The following SERPINB3 variants were observed in gnomAD, a reference collection of about 807,000 sequenced individuals.
The protein encoded by SERPINB3 is serpin B3.
SERPINB3 carries 33 observed loss-of-function variants against 33.0 expected under a neutral mutation model. The ratio of observed to expected loss-of-function variants is 1.00; its 90% CI spans 0.76 to 1.34. The LOEUF (loss-of-function observed/expected upper bound fraction) is 1.34. Ranked by LOEUF, SERPINB3 falls within the 40% of genes most tolerant of loss-of-function variation. SERPINB3 has a pLI of 0.00. For synonymous variants in SERPINB3, 200 were observed against 170.9 expected (o/e 1.17, Z -1.33); for missense variants, 518 against 461.5 (o/e 1.12, Z -1.12).
Position 63,656,885 on chromosome 18 carries a change from G to A in SERPINB3, c.714C>T (p.Gly238=). Residue 238 remains glycine (G), a synonymous_variant, in exon 7 of 8, where the codon GGC becomes GGT. Transcript: ENST00000283752. ...GCAACACAATCATGCTTAGATCTTT[G>A]CCTTTGTATGGTATTTCCAGGACCT... The part of the protein sequence containing the change: ...QAKVLEIPYK[G]KDLSMIVLLP... The A allele has an allele frequency of 6.2e-7, 1 of 1,613,456 alleles. No individual in the cohort carries two copies. Among genetic ancestry groups the A allele is most frequent in the African/African-American group, 1.3e-5 (1 of 75,038 alleles).
intron 5 of SERPINB3, among the ~76,000 whole-genome samples, chr18:63,657,876 C>T (rs1913540325): frequency 6.6e-6 from 1 of 151,288 alleles, no homozygotes; most frequent in Non-Finnish European, 1.5e-5. Flanking sequence ...AACGCATGTC[C>T]TGTGCTGTCA....
chr18:63,657,139 A>G (rs1913518986), intron 6 of SERPINB3, 131 bp downstream of exon 6: 2 of 912,654 alleles, frequency 2.2e-6, no homozygotes, highest in Non-Finnish European at 3.2e-6. Context: ...CTAACTAAAT[A>G]AAGTTATAAG....
intron 5 of SERPINB3, among the ~76,000 whole-genome samples, chr18:63,657,848 A>G (rs1038098492): frequency 6.7e-6 from 1 of 149,894 alleles, no homozygotes; most frequent in African/African-American, 2.5e-5. Context: ...GACAAGTGAC[A>G]TGAGCTCTGT....
At chr18:63,656,790 G>A in intron 7 of SERPINB3, 41 bp downstream of exon 7, 3 of 1,544,500 alleles carry the variant, frequency 1.9e-6, no homozygotes, top group Non-Finnish European at 2.6e-6. Context: ...TTGGAAAAAT[G>A]TCAGGCAGTA....
In SERPINB3 at chr18:63,661,123, T is replaced by A. The variant is rs777222567; in HGVS notation, c.94A>T (p.Ile32Phe). The A allele has an allele frequency of 2.5e-6, 4 of 1,613,644 alleles. No individual in the cohort carries two copies. The highest frequency in any genetic ancestry group is 3.4e-6 in the Non-Finnish European group (4 of 1,179,682). The change falls in exon 2 of 8, where the codon ATC becomes TTC. Residue 32 changes from isoleucine (I) to phenylalanine (F), a missense_variant. Ile to Phe is a conservative substitution (Grantham distance 21, BLOSUM62 0). Transcript: ENST00000283752. ...SKENNIFYSP[I>F]SITSALGMVL... Reference sequence around the variant, plus strand: ...ATCCCTAATGCTGATGTGATGCTGATAGGGGAATAGAAGATGTTGTTCTCT... The same window carrying A: ...ATCCCTAATGCTGATGTGATGCTGAAAGGGGAATAGAAGATGTTGTTCTCT...
chr18:63,659,253 G>A (rs2144495622), intron 4 of SERPINB3, 146 bp downstream of exon 4: 1 of 823,244 alleles, frequency 1.2e-6, no homozygotes, highest in Middle Eastern at 2.3e-4. Context: ...GTGGGGGAGA[G>A]TTGTGGAAAC....
At chr18:63,661,000 A>C in intron 2 of SERPINB3, 52 bp downstream of exon 2, 1 of 1,611,396 alleles carries the variant, frequency 6.2e-7, no homozygotes, top group Non-Finnish European at 8.5e-7. Flanking sequence ...GTGCTAGCCG[A>C]CGGAACCAGA....
chr18:63,655,625 A>G lies in SERPINB3; in HGVS notation c.*32T>C. ...TTTACCAGAACATCTGCAGGTGAAC[A>G]TTTTCCAAATGGAGTGACAGACTAA... On this transcript the variant is annotated 3_prime_UTR_variant, in exon 8 of 8. Coordinates refer to ENST00000283752, the MANE Select transcript of SERPINB3 (RefSeq NM_006919.3). 1 of 1,562,622 alleles carries G rather than the reference A, an allele frequency of 6.4e-7. No homozygotes were observed. Among genetic ancestry groups the G allele is most frequent in the Non-Finnish European group, 8.7e-7 (1 of 1,150,716 alleles).
chr18:63,660,851 A>G lies in SERPINB3; in HGVS notation c.171T>C (p.Leu57=), dbSNP rs1913623870. The change falls in exon 3 of 8, where the codon CTT becomes CTC. Residue 57 remains leucine, a synonymous_variant. Transcript: ENST00000283752. The part of the protein sequence containing the change: ...DNTAQQIKKV[L]HFDQVTENTT... ...TGTTCTCTGTGACTTGATCAAAGTG[A>G]AGAACCTGGAAGAGACATGAAGCGG... The G allele has an allele frequency of 1.9e-6, 3 of 1,613,338 alleles. No individual in the cohort carries two copies. Among genetic ancestry groups the G allele is most frequent in the Non-Finnish European group, 2.5e-6 (3 of 1,179,584 alleles).
At position 63,655,689 on chromosome 18, in the gene SERPINB3, T is replaced by G. The variant is rs755020901; in HGVS notation, c.1141A>C (p.Ile381Leu). Residue 381 changes from isoleucine to leucine, a missense_variant, in exon 8 of 8, where the codon ATC becomes CTC. By Grantham distance (5) the Ile-to-Leu change is conservative. Transcript: ENST00000283752. ...FFIRQNKTNSILFYGRFSSP is the reference protein window; with the variant it reads ...FFIRQNKTNSLLFYGRFSSP ...GATGAGAATCTGCCATAGAAGAGGATGCTGTTGGTCTTATTTTGCCTTATG... is the reference window on the plus strand; with the variant it reads ...GATGAGAATCTGCCATAGAAGAGGAGGCTGTTGGTCTTATTTTGCCTTATG... 5 of 1,613,290 alleles carry G rather than the reference T, an allele frequency of 3.1e-6. No individual in the cohort carries two copies. The highest frequency in any genetic ancestry group is 4.2e-6 in the Non-Finnish European group (5 of 1,179,516).
Position 63,656,828 on chromosome 18 carries a change from T to C in SERPINB3, c.768+3A>G, listed in dbSNP as rs770938183. The C allele has an allele frequency of 3.1e-6, 5 of 1,602,080 alleles. No individual in the cohort carries two copies. Among genetic ancestry groups the C allele is most frequent in the Non-Finnish European group, 4.3e-6 (5 of 1,172,296 alleles). On this transcript the variant is annotated splice_donor_region_variant and intron_variant, in intron 7 of 7. Coordinates refer to ENST00000283752, the MANE Select transcript of SERPINB3 (RefSeq NM_006919.3). ...AGGAAGAGTTGTAGATGCAAGTTCT[T>C]ACCTTCTGGAGACCATCGATTTCAT...
chr18:63,656,741 C>T, intron 7 of SERPINB3, 90 bp downstream of exon 7: 2 of 1,426,468 alleles, frequency 1.4e-6, no homozygotes, highest in South Asian at 1.6e-5. Flanking sequence ...TTTGAGGCAA[C>T]TCGGTCACCA....
At chr18:63,661,357 T>A (rs1235224534) in intron 1 of SERPINB3, 115 bp from the exon 2 acceptor site, 1 of 1,159,082 alleles carries the variant, frequency 8.6e-7, no homozygotes, top group Non-Finnish European at 1.2e-6. Context: ...ACATTTAAAG[T>A]TTTCCTCATC....
At position 63,657,459 on chromosome 18, in the gene SERPINB3, C is replaced by T. The variant is rs370033069; in HGVS notation, c.470-47G>A. 9.8e-5 allele frequency: 146 copies of T among 1,488,036 alleles called. No homozygotes were observed. In the African/African-American group the frequency reaches 2.0e-3, roughly 20 times the overall value. The allele number at this position is 1,488,036 out of a possible 1,614,324, so 92.2% of individuals were successfully genotyped here. A position where few individuals can be genotyped will look rare whatever the true frequency, so the allele number is the denominator to read the frequency against. ...AGTCTTTTACACAAGCTACAAATGG[C>T]TTGTCTGGAAGATGCTTTGCAAATG... On this transcript the variant is annotated intron_variant, in intron 5 of 7. Coordinates refer to ENST00000283752, the MANE Select transcript of SERPINB3 (RefSeq NM_006919.3).
At chr18:63,657,800 T>C (rs1598937677) in intron 5 of SERPINB3, among the ~76,000 whole-genome samples, 2 of 142,530 alleles carry the variant, frequency 1.4e-5, no homozygotes, top group African/African-American at 2.7e-5. Context: ...AACTACGGGG[T>C]CCCCATTCAG....
Position 63,656,998 on chromosome 18 carries a change from C to G in SERPINB3, c.613-12G>C. 2.5e-6 allele frequency: 4 copies of G among 1,591,164 alleles called. No homozygotes were observed. Among genetic ancestry groups the G allele is most frequent in the Non-Finnish European group, 3.4e-6 (4 of 1,164,576 alleles). On this transcript the variant is annotated splice_polypyrimidine_tract_variant and intron_variant, in intron 6 of 7. Coordinates refer to ENST00000283752, the MANE Select transcript of SERPINB3 (RefSeq NM_006919.3). Reference sequence around the variant, plus strand: ...GACTTGTATGTATTCTACAATAAATCAATGTGTCCAACAAATACCAAGTGA... The same window carrying G: ...GACTTGTATGTATTCTACAATAAATGAATGTGTCCAACAAATACCAAGTGA...
In SERPINB3 at chr18:63,655,781, A is replaced by C. The variant is rs1370234398; in HGVS notation, c.1049T>G (p.Val350Gly). 1 of 1,600,146 alleles carries C rather than the reference A, an allele frequency of 6.2e-7. No individual in the cohort carries two copies. The highest frequency in any genetic ancestry group is 1.7e-5 in the Admixed American group (1 of 59,552). Residue 350 changes from valine to glycine, a missense_variant, in exon 8 of 8, where the codon GTA becomes GGA. Transcript: ENST00000283752. The part of the protein sequence containing the change: ...GAEAAAATAV[V>G]GFGSSPTSTN... ...TGAAGTAGGTGATGATCCGAATCCTACTACAGCGGTGGCAGCTGCAGCTTC... is the reference window on the plus strand; with the variant it reads ...TGAAGTAGGTGATGATCCGAATCCTCCTACAGCGGTGGCAGCTGCAGCTTC...
chr18:63,658,742 G>A, intron 4 of SERPINB3, 112 bp from the exon 5 acceptor site: 1 of 791,388 alleles, frequency 1.3e-6, no homozygotes, highest in Non-Finnish European at 2.0e-6. Flanking sequence ...CTGAATAGAT[G>A]CAGTATCTCC....
At position 63,655,600 on chromosome 18, in the gene SERPINB3, T is replaced by A; in HGVS notation, c.*57A>T. On this transcript the variant is annotated 3_prime_UTR_variant, in exon 8 of 8. Coordinates refer to ENST00000283752, the MANE Select transcript of SERPINB3 (RefSeq NM_006919.3). Reference sequence around the variant, plus strand: ...AGAATCTGTTGTTGCCAGCAATCAGTTTACCAGAACATCTGCAGGTGAACA... The same window carrying A: ...AGAATCTGTTGTTGCCAGCAATCAGATTACCAGAACATCTGCAGGTGAACA... 2 of 1,526,668 alleles carry A rather than the reference T, an allele frequency of 1.3e-6. No homozygotes were observed. The highest frequency in any genetic ancestry group is 1.8e-6 in the Non-Finnish European group (2 of 1,130,452). 94.6% of individuals were successfully genotyped at this position (1,526,668 alleles called of 1,614,324 possible).
Sources: gnomAD v4.1 joint callset for allele counts (sites outside exome capture counted in the v4.1 genomes callset) on GRCh38, gnomAD v4.1.1 for gene constraint, MANE v1.5 for transcripts, NCBI Gene and HGNC (gene_info 2026-07-23, HGNC 2026-07-21) for gene names.